Variants in MAPKAPK5 observed in about 807,000 individuals in gnomAD.
The protein encoded by MAPKAPK5 is MAP kinase-activated protein kinase 5.
In MAPKAPK5, 30 loss-of-function variants were observed where a neutral mutation model predicts 65.1. The observed-to-expected ratio is 0.46, with a 90% CI of 0.34 to 0.63. The LOEUF (loss-of-function observed/expected upper bound fraction) is 0.63. Ranked by LOEUF, MAPKAPK5 falls within the 20% of genes least tolerant of loss-of-function variation. MAPKAPK5 has a pLI of 0.01. For synonymous variants in MAPKAPK5, 179 were observed against 204.6 expected, an observed-to-expected ratio of 0.87 and a Z score of 1.07; for missense variants, 433 against 581.4, an observed-to-expected ratio of 0.74 and a Z score of 2.63.
intron 1 of MAPKAPK5, among the ~76,000 whole-genome samples, chr12:111,862,371 T>C (rs1454591438): frequency 6.6e-6 from 1 of 152,172 alleles, no homozygotes; most frequent in Non-Finnish European, 1.5e-5. Flanking sequence ...AGTTGAACTT[T>C]CTTGGCTGTC....
intron 8 of MAPKAPK5, among the ~76,000 whole-genome samples, chr12:111,881,632 C>T (rs2070234587): frequency 6.6e-6 from 1 of 151,812 alleles, no homozygotes; most frequent in African/African-American, 2.4e-5. Flanking sequence ...TCCTGAATTC[C>T]TGACCTCAGG....
chr12:111,896,202 G>T lies in MAPKAPK5; in HGVS notation c.*3141G>T, dbSNP rs1441609290. 1 of 152,122 alleles carries T rather than the reference G, an allele frequency of 6.6e-6. No individual in the cohort carries two copies. Among genetic ancestry groups the T allele is most frequent in the Non-Finnish European group, 1.5e-5 (1 of 68,016 alleles). 9.4% of individuals were successfully genotyped at this position (152,122 alleles called of 1,614,324 possible). On this transcript the variant is annotated 3_prime_UTR_variant, in exon 14 of 14. Coordinates refer to ENST00000550735, the MANE Select transcript of MAPKAPK5 (RefSeq NM_003668.4). ...CTCAGGATGATTATTTTTTCCTTCAGTGTATGCTGAATTTTAGGTGCGATG... is the reference window on the plus strand; with the variant it reads ...CTCAGGATGATTATTTTTTCCTTCATTGTATGCTGAATTTTAGGTGCGATG...
At chr12:111,889,756 T>C (rs1034861997) in intron 12 of MAPKAPK5, 1 of 285,830 alleles carries the variant, frequency 3.5e-6, no homozygotes, top group African/African-American at 2.1e-5. Context: ...CCAGGTGTCT[T>C]TTGTTCAGCA....
intron 1 of MAPKAPK5, chr12:111,843,036 T>TTA: frequency 5.0e-6 from 2 of 399,010 alleles, no homozygotes; most frequent in Non-Finnish European, 8.8e-6. Context: ...GAGACACTAT[T>TTA]AAGTGTCAAT....
At chr12:111,854,453 A>G (rs993400495) in intron 1 of MAPKAPK5, among the ~76,000 whole-genome samples, 4 of 151,988 alleles carry the variant, frequency 2.6e-5, no homozygotes, top group Non-Finnish European at 4.4e-5. Flanking sequence ...TGTTGGCCAG[A>G]TGGTCTTGAT....
Position 111,901,087 on chromosome 12 carries a change from C to CA in MAPKAPK5, c.*8028dup, listed in dbSNP as rs2071035390. 2.2e-6 allele frequency: 1 copy of CA among 455,956 alleles called. No homozygotes were observed. The highest frequency in any genetic ancestry group is 4.4e-6 in the Non-Finnish European group (1 of 226,802). 28.2% of individuals were successfully genotyped at this position (455,956 alleles called of 1,614,324 possible). ...TTACCAAAAATCAATCTCCAACATACAATGATTCAGGTCCCTCAGGGAGAT... is the reference window on the plus strand; with the variant it reads ...TTACCAAAAATCAATCTCCAACATACAAATGATTCAGGTCCCTCAGGGAGAT... On this transcript the variant is annotated 3_prime_UTR_variant, in exon 14 of 14. Transcript: ENST00000550735.
chr12:111,854,547 T>C (rs963303896), intron 1 of MAPKAPK5, among the ~76,000 whole-genome samples: 2 of 152,148 alleles, frequency 1.3e-5, no homozygotes, highest in African/African-American at 2.4e-5. Flanking sequence ...CCAGTAATGA[T>C]TTTCAATATG....
At chr12:111,868,688 A>G in intron 4 of MAPKAPK5, 65 bp from the exon 5 acceptor site, 1 of 1,237,282 alleles carries the variant, frequency 8.1e-7, no homozygotes. Flanking sequence ...TTAATGTTTC[A>G]GGGTTTTTTG....
At position 111,842,824 on chromosome 12, in the gene MAPKAPK5, C is replaced by T. The variant is rs990874558; in HGVS notation, c.36+55C>T. ...CGTTGTCCTGTGGCGTTCTTCTCGG[C>T]TCTAGCCTCAAAAAGCAGGGAGATT... On this transcript the variant is annotated intron_variant, in intron 1 of 13. Transcript: ENST00000550735. 19 of 1,275,518 alleles carry T rather than the reference C, an allele frequency of 1.5e-5. No individual in the cohort carries two copies. The East Asian group carries it at 4.4e-4, about 30-fold the overall frequency. The allele number at this position is 1,275,518 out of a possible 1,614,324, so 79.0% of individuals were successfully genotyped here. A position where few individuals can be genotyped will look rare whatever the true frequency, so the allele number is the denominator to read the frequency against.
chr12:111,847,736 A>G (rs1397153314), intron 1 of MAPKAPK5, among the ~76,000 whole-genome samples: 2 of 152,210 alleles, frequency 1.3e-5, no homozygotes, highest in Admixed American at 1.3e-4. Flanking sequence ...TCTGGTGTAT[A>G]ATATTTCCAT....
chr12:111,872,828 C>G (rs1243035212), intron 7 of MAPKAPK5, among the ~76,000 whole-genome samples: 2 of 152,182 alleles, frequency 1.3e-5, no homozygotes, highest in Non-Finnish European at 2.9e-5. Context: ...AAGGACCCTA[C>G]TGATCACATT....
chr12:111,864,071 C>T (rs1234742445), intron 1 of MAPKAPK5, among the ~76,000 whole-genome samples: 1 of 151,998 alleles, frequency 6.6e-6, no homozygotes. Context: ...GAGTTTGAAA[C>T]CAACCTGGGC....
chr12:111,899,764 G>C lies in MAPKAPK5; in HGVS notation c.*6703G>C, dbSNP rs750842106. On this transcript the variant is annotated 3_prime_UTR_variant, in exon 14 of 14. Coordinates refer to ENST00000550735, the MANE Select transcript of MAPKAPK5 (RefSeq NM_003668.4). ...TCTGTCAACATCTGTGCAGGTCTCAGGGGCACATCCTCCTGATTAAGGAGG... is the reference window on the plus strand; with the variant it reads ...TCTGTCAACATCTGTGCAGGTCTCACGGGCACATCCTCCTGATTAAGGAGG... 6 of 370,198 alleles carry C rather than the reference G, an allele frequency of 1.6e-5. No homozygotes were observed. Among genetic ancestry groups the C allele is most frequent in the Non-Finnish European group, 2.7e-5 (5 of 182,820 alleles). The allele number at this position is 370,198 out of a possible 1,614,324, so 22.9% of individuals were successfully genotyped here.
At chr12:111,879,516 T>C (rs11066058) in intron 7 of MAPKAPK5, 29,601 of 150,316 alleles carry the variant, frequency 0.2, 3,099 homozygotes, top group Middle Eastern at 0.27. Context: ...CAGCCTCCCA[T>C]GTAGTTGGGA....
At chr12:111,846,305 A>G (rs1038745610) in intron 1 of MAPKAPK5, among the ~76,000 whole-genome samples, 4 of 152,074 alleles carry the variant, frequency 2.6e-5, no homozygotes, top group Non-Finnish European at 5.9e-5. Context: ...CTGGAAAGCT[A>G]TTTTCCTGGC....
chr12:111,870,072 A>G (rs1190583364), intron 5 of MAPKAPK5, among the ~76,000 whole-genome samples, 199 bp from the exon 6 acceptor site: 4 of 152,224 alleles, frequency 2.6e-5, no homozygotes, highest in African/African-American at 9.6e-5. Flanking sequence ...CTGTCTGACA[A>G]AATACAAGTT....
At chr12:111,857,650 G>A (rs2069288344) in intron 1 of MAPKAPK5, among the ~76,000 whole-genome samples, 1 of 152,158 alleles carries the variant, frequency 6.6e-6, no homozygotes, top group African/African-American at 2.4e-5. Context: ...AATTCTTTCA[G>A]TGTTTATTTA....
Position 111,901,751 on chromosome 12 carries a change from T to G in MAPKAPK5, c.*8690T>G, listed in dbSNP as rs902293716. ...AGCCAAGTATATCAAACTCCTCAAG[T>G]ACTGAGTGGGAATGAGATGTTTGGT... On this transcript the variant is annotated 3_prime_UTR_variant, in exon 14 of 14. Coordinates refer to ENST00000550735, the MANE Select transcript of MAPKAPK5 (RefSeq NM_003668.4). 6 of 215,048 alleles carry G rather than the reference T, an allele frequency of 2.8e-5. No individual in the cohort carries two copies. Among genetic ancestry groups the G allele is most frequent in the Non-Finnish European group, 4.7e-5 (5 of 106,764 alleles). The allele number at this position is 215,048 out of a possible 1,614,324, so 13.3% of individuals were successfully genotyped here.
rs981752065 is a variant in MAPKAPK5, at chr12:111,866,037, T to A, written c.111-119T>A. On this transcript the variant is annotated intron_variant, in intron 2 of 13. Coordinates refer to ENST00000550735, the MANE Select transcript of MAPKAPK5 (RefSeq NM_003668.4). The stretch of plus-strand genomic sequence containing the variant: ...CTGCTACCCTTGGGGGCAAGTTTGT[T>A]CTGGATGCACCTGGCCATATCCTTG... 1.2e-5 allele frequency: 9 copies of A among 752,882 alleles called. 1 individual carries two copies. The African/African-American group carries it at 1.6e-4, about 13-fold the overall frequency. 46.6% of individuals were successfully genotyped at this position (752,882 alleles called of 1,614,324 possible).
Sources: gnomAD v4.1 joint callset for allele counts (sites outside exome capture counted in the v4.1 genomes callset) on GRCh38, gnomAD v4.1.1 for gene constraint, MANE v1.5 for transcripts, NCBI Gene and HGNC (gene_info 2026-07-23, HGNC 2026-07-21) for gene names.